Variants in MCMDC2 observed in about 807,000 individuals in gnomAD.
The protein encoded by MCMDC2 is minichromosome maintenance domain containing 2, also known as minichromosome maintenance domain-containing protein 2.
Under a neutral mutation model 75.8 loss-of-function variants are expected in MCMDC2, and 54 were observed. The ratio of observed to expected loss-of-function variants is 0.71; its 90% CI spans 0.57 to 0.89. MCMDC2 has a LOEUF of 0.89. Ranked by LOEUF, MCMDC2 falls within the 40% of genes least tolerant of loss-of-function variation. The pLI is 0.00. For missense variants in MCMDC2, 656 were observed against 780.4 expected (o/e 0.84, Z 1.90); for synonymous variants, 249 against 274.6 (o/e 0.91, Z 0.92).
chr8:66,878,646 A>G lies in MCMDC2; in HGVS notation c.554A>G (p.Asn185Ser), dbSNP rs1485210037. 1.9e-6 allele frequency: 3 copies of G among 1,571,136 alleles called. No individual in the cohort carries two copies. Among genetic ancestry groups the G allele is most frequent in the African/African-American group, 2.7e-5 (2 of 72,778 alleles). Residue 185 changes from asparagine to serine, a missense_variant, in exon 6 of 15, where the codon AAT (asparagine) becomes AGT (serine). Asn to Ser is a conservative substitution (Grantham distance 46). Coordinates refer to ENST00000422365, the MANE Select transcript of MCMDC2 (RefSeq NM_173518.5). Reference protein sequence around the residue: ...SATIRNDFLCNLCASSLQEDR... With the variant: ...SATIRNDFLCSLCASSLQEDR... The stretch of plus-strand genomic sequence containing the variant: ...ACGATAAGAAATGACTTTTTGTGTA[A>G]TCTATGTGCATCTTCACTTCAAGAA...
intron 10 of MCMDC2, among the ~76,000 whole-genome samples, chr8:66,894,319 GT>G (rs1812244717): frequency 6.6e-6 from 1 of 152,172 alleles, no homozygotes; most frequent in African/African-American, 2.4e-5. Context: ...AAATGACCAA[GT>G]AGCCATATCA....
At chr8:66,896,685 TAAC>T (rs1023294181) in intron 11 of MCMDC2, 92 bp from the exon 12 acceptor site, 42 of 864,258 alleles carry the variant, frequency 4.9e-5, no homozygotes, top group Middle Eastern at 5.2e-4. Flanking sequence ...ACTTTAATAA[TAAC>T]AACATATAAT....
chr8:66,923,757 G>A (rs1362173630), downstream of MCMDC2, among the ~76,000 whole-genome samples: 2 of 152,006 alleles, frequency 1.3e-5, no homozygotes, highest in African/African-American at 4.8e-5. Flanking sequence ...GCATGATGGT[G>A]GGTGCCTGTA....
At chr8:66,884,749 A>C (rs1034687790) in intron 9 of MCMDC2, 1 of 151,886 alleles carries the variant, frequency 6.6e-6, no homozygotes, top group African/African-American at 2.4e-5. Context: ...CAGCCTCACC[A>C]GCTCTGGGTA....
rs780333933 is a variant in MCMDC2 at position 66,874,346 on chromosome 8, G to A, written c.115G>A (p.Val39Ile). Residue 39 changes from valine (V) to isoleucine (I), a missense_variant, in exon 3 of 15, where the codon GTC becomes ATC. Physicochemically the swap from Val to Ile is conservative, Grantham distance 29 (BLOSUM62 3). Transcript: ENST00000422365. ...YYNDSKQSYA[V>I]YRFKILINPS... ...CATAGATTCAAAACAAAGCTATGCT[G>A]TCTATCGATTCAAAATTTTAATAAA... 3.7e-6 allele frequency: 6 copies of A among 1,612,464 alleles called. No homozygotes were observed. Among genetic ancestry groups the A allele is most frequent in the Non-Finnish European group, 5.1e-6 (6 of 1,179,532 alleles).
downstream of MCMDC2, chr8:66,922,394 T>TA (rs577765423): frequency 5.1e-4 from 234 of 454,416 alleles, 1 homozygote; most frequent in African/African-American, 4.4e-3. Context: ...ACCTATATGC[T>TA]AAAAACAAAG....
intron 13 of MCMDC2, among the ~76,000 whole-genome samples, chr8:66,902,637 T>G (rs1236643156): frequency 6.0e-5 from 8 of 132,328 alleles, no homozygotes; most frequent in African/African-American, 2.3e-4. Context: ...GAGGTTGCAG[T>G]GGGCCGAGAT....
At position 66,902,711 on chromosome 8, in the gene MCMDC2, A is replaced by AAAAATAT. The variant is rs1467425752; in HGVS notation, c.1769+1364_1769+1365insAAATATA. On this transcript the variant is annotated intron_variant, in intron 13 of 14. Coordinates refer to ENST00000422365, the MANE Select transcript of MCMDC2 (RefSeq NM_173518.5). ...CTGTCTCAAAAAAAAAAAAAAAAAA[A>AAAAATAT]ATATATATATATATATATATATATA... Among the ~76,000 whole-genome samples, 10 of 67,930 alleles carry AAAAATAT rather than the reference A, an allele frequency of 1.5e-4. No individual in the cohort carries two copies. The East Asian group carries it at 1.5e-3, about 10-fold the overall frequency. 44.6% of individuals were successfully genotyped at this position (67,930 alleles called of 152,430 possible). A position where few individuals can be genotyped will look rare whatever the true frequency, so the allele number is the denominator to read the frequency against.
At position 66,919,361 on chromosome 8, in the gene MCMDC2, A is replaced by C. The variant is rs1936892114; in HGVS notation, c.*192A>C. 1 of 384,096 alleles carries C rather than the reference A, an allele frequency of 2.6e-6. No individual in the cohort carries two copies. The highest frequency in any genetic ancestry group is 2.1e-5 in the African/African-American group (1 of 48,142). The allele number at this position is 384,096 out of a possible 1,614,324, so 23.8% of individuals were successfully genotyped here. A position where few individuals can be genotyped will look rare whatever the true frequency, so the allele number is the denominator to read the frequency against. On this transcript the variant is annotated 3_prime_UTR_variant, in exon 15 of 15. Coordinates refer to ENST00000422365, the MANE Select transcript of MCMDC2 (RefSeq NM_173518.5). ...GGGATAAATACTAATCCAAACCTCT[A>C]AAACCAACAGAATTTTAAAACTTAG...
chr8:66,918,370 C>G (rs1170884505), intron 14 of MCMDC2, among the ~76,000 whole-genome samples: 1 of 151,986 alleles, frequency 6.6e-6, no homozygotes, highest in Non-Finnish European at 1.5e-5. Flanking sequence ...TTGATATGGT[C>G]CCATTTATGT....
rs750227557 is a variant in MCMDC2 at position 66,880,936 on chromosome 8, G to C, written c.797G>C (p.Cys266Ser). ...TCVKTSQTAV[C>S]IEANSITFCN... ...GTAAAAACCTCACAAACTGCTGTCT[G>C]TATAGAAGCAAATAGCATAACTTTT... Residue 266 changes from cysteine (C) to serine (S), a missense_variant, in exon 8 of 15, where the codon TGT (cysteine) becomes TCT (serine). Transcript: ENST00000422365. 2.6e-6 allele frequency: 4 copies of C among 1,550,386 alleles called. No homozygotes were observed. The Admixed American group carries it at 7.7e-5, about 30-fold the overall frequency.
At chr8:66,872,293 T>C (rs1201312233) in intron 1 of MCMDC2, among the ~76,000 whole-genome samples, 2 of 152,216 alleles carry the variant, frequency 1.3e-5, no homozygotes, top group Non-Finnish European at 1.5e-5. Context: ...ACACTTTCTC[T>C]TTCTCTTCAC....
At chr8:66,884,921 C>T (rs529796387) in intron 9 of MCMDC2, among the ~76,000 whole-genome samples, 8 of 151,842 alleles carry the variant, frequency 5.3e-5, no homozygotes, top group Non-Finnish European at 8.8e-5. Flanking sequence ...TGACTAGAGG[C>T]GCACGCCACT....
chr8:66,918,940 G>A (rs1813420160), intron 14 of MCMDC2, 63 bp from the exon 15 acceptor site: 13 of 1,265,544 alleles, frequency 1.0e-5, no homozygotes, highest in Non-Finnish European at 1.2e-5. Flanking sequence ...TTGAAAATGT[G>A]ATTTCATACT....
intron 14 of MCMDC2, among the ~76,000 whole-genome samples, chr8:66,918,801 A>T (rs947990321): frequency 6.6e-5 from 10 of 152,206 alleles, no homozygotes; most frequent in Admixed American, 2.0e-4. Context: ...AGAAAACAAG[A>T]GTCAGATTTC....
chr8:66,882,810 GA>G (rs1452115145), intron 8 of MCMDC2, among the ~76,000 whole-genome samples: 2 of 152,178 alleles, frequency 1.3e-5, no homozygotes, highest in Non-Finnish European at 2.9e-5. Flanking sequence ...GTTAAAGAAA[GA>G]AAGCACTGAT....
chr8:66,874,489 A>C (rs770978438), intron 3 of MCMDC2, 33 bp downstream of exon 3: 2 of 1,612,044 alleles, frequency 1.2e-6, no homozygotes, highest in Non-Finnish European at 8.5e-7. Context: ...TTTATGCCAC[A>C]TGGAATTTTT....
chr8:66,908,567 GTAT>G (rs1812992765), intron 14 of MCMDC2, among the ~76,000 whole-genome samples: 1 of 152,050 alleles, frequency 6.6e-6, no homozygotes, highest in South Asian at 2.1e-4. Context: ...AAGAATTATA[GTAT>G]TATTATATTA....
chr8:66,906,083 T>C (rs1472791839), intron 14 of MCMDC2, among the ~76,000 whole-genome samples: 1 of 152,166 alleles, frequency 6.6e-6, no homozygotes, highest in African/African-American at 2.4e-5. Flanking sequence ...CTAGTTTTAA[T>C]ACTATGTCTA....
Sources: gnomAD v4.1 joint callset for allele counts (sites outside exome capture counted in the v4.1 genomes callset) on GRCh38, gnomAD v4.1.1 for gene constraint, MANE v1.5 for transcripts, NCBI Gene and HGNC (gene_info 2026-07-23, HGNC 2026-07-21) for gene names.